Variants in KCNMB3 observed in about 807,000 individuals in gnomAD.
KCNMB3 encodes the protein potassium calcium-activated channel subfamily M regulatory beta subunit 3.
A neutral mutation model predicts 11.9 loss-of-function variants in KCNMB3; 18 were observed. The ratio of observed to expected loss-of-function variants is 1.51; its 90% CI spans 1.04 to 2.23. KCNMB3 has a LOEUF of 2.23. Among genes scored for constraint, KCNMB3 ranks in the 30% most tolerant of loss-of-function variants. KCNMB3 has a pLI of 0.00. For synonymous variants in KCNMB3, 78 were observed against 119.2 expected (o/e 0.65, Z 2.25); for missense variants, 247 against 329.4 (o/e 0.75, Z 1.94).
chr3:179,253,972 G>A (rs1052937169), upstream of KCNMB3, among the ~76,000 whole-genome samples: 4 of 152,032 alleles, frequency 2.6e-5, no homozygotes, highest in African/African-American at 9.7e-5. Flanking sequence ...AAAAAGAATT[G>A]GAAATACTCA....
upstream of KCNMB3, among the ~76,000 whole-genome samples, chr3:179,252,696 CATGGAAAA>C (rs1725885188): frequency 6.7e-6 from 1 of 149,076 alleles, no homozygotes; most frequent in Non-Finnish European, 1.5e-5. Flanking sequence ...AGAGAAGGGG[CATGGAAAA>C]AAAATTTAAT....
Position 179,250,750 on chromosome 3 carries a change from TA to T in KCNMB3, c.240del (p.Phe80LeufsTer47). 1 of 1,614,196 alleles carries T rather than the reference TA, an allele frequency of 6.2e-7. No homozygotes were observed. The highest frequency in any genetic ancestry group is 1.1e-5 in the South Asian group (1 of 91,082). On this transcript the variant is annotated frameshift_variant, in exon 1 of 3. Coordinates refer to ENST00000392685, the MANE Select transcript of KCNMB3 (RefSeq NM_171830.2). LOFTEE classifies it high-confidence loss of function. Reference sequence around the variant, plus strand: ...CCTTCCTCTGTTTCTTACCTGAGCATAAAAGGCTTTAGAATGGTTGTTCCGA... The same window carrying T: ...CCTTCCTCTGTTTCTTACCTGAGCATAAAGGCTTTAGAATGGTTGTTCCGA... Reference protein sequence around the residue: ...FLLGTTILKPFMLSIQREEST... With the variant: ...FLLGTTILKPXMLSIQREEST...
intron 1 of KCNMB3, chr3:179,258,913 A>G (rs776122211): frequency 3.7e-6 from 6 of 1,610,154 alleles, no homozygotes; most frequent in Non-Finnish European, 5.1e-6. Flanking sequence ...ATTGGCATAC[A>G]GTGCATCTCT....
chr3:179,262,414 G>A (rs1726244166), intron 1 of KCNMB3, among the ~76,000 whole-genome samples: 1 of 152,174 alleles, frequency 6.6e-6, no homozygotes, highest in South Asian at 2.1e-4. Context: ...TGGGTTCGTG[G>A]TCTCCCTGGC....
intron 1 of KCNMB3, among the ~76,000 whole-genome samples, chr3:179,266,101 T>G (rs139275991): frequency 6.6e-6 from 1 of 152,342 alleles, no homozygotes; most frequent in East Asian, 1.9e-4. Flanking sequence ...ACTATCTGCA[T>G]TTCACAGATA....
At chr3:179,251,533 G>C (rs1202435028), upstream of KCNMB3, 2 of 1,349,374 alleles carry the variant, frequency 1.5e-6, no homozygotes, top group African/African-American at 2.9e-5. Flanking sequence ...TTCTGCATAA[G>C]TGTCCCTTCA....
chr3:179,240,954 T>C (rs1198867053), downstream of KCNMB3: 1 of 152,156 alleles, frequency 6.6e-6, no homozygotes, highest in Non-Finnish European at 1.5e-5. Context: ...TACAGAGAAG[T>C]CTTTGGTATA....
rs918261854 is a variant in KCNMB3, at chr3:179,261,175, G to A, written c.62+5474C>T. 1.3e-5 allele frequency: 17 copies of A among 1,337,826 alleles called. No homozygotes were observed. In the Admixed American group the frequency reaches 1.5e-4, roughly 12 times the overall value. The allele number at this position is 1,337,826 out of a possible 1,614,324, so 82.9% of individuals were successfully genotyped here. On this transcript the variant is annotated intron_variant, in intron 1 of 3. Transcript: ENST00000349697. ...TGGGGATCTCACGAGCCTCCGCGCG[G>A]GCCTCCCGTTTTGCGGCGAGCCGGG...
downstream of KCNMB3, chr3:179,240,953 G>GTCTT (rs776560485): frequency 7.2e-5 from 11 of 152,132 alleles, no homozygotes; most frequent in Non-Finnish European, 1.3e-4. Context: ...TTACAGAGAA[G>GTCTT]TCTTTGGTAT....
exon 1 of KCNMB3, chr3:179,266,959 C>T: frequency 7.8e-7 from 1 of 1,285,820 alleles, no homozygotes; most frequent in Non-Finnish European, 9.9e-7. Context: ...GAAGGACCTG[C>T]GTGGTTTGCT....
rs1726154308 is a variant in KCNMB3 at position 179,260,088 on chromosome 3, T to TGATAAACTGTGTCATCAC, written c.62+6543_62+6560dup. 3 of 1,608,278 alleles carry TGATAAACTGTGTCATCAC rather than the reference T, an allele frequency of 1.9e-6. No homozygotes were observed. In the South Asian group the frequency reaches 3.3e-5, roughly 18 times the overall value. ...GACCTCTACCATACATCTGTCATCA[T>TGATAAACTGTGTCATCAC]GATAAACTGTGTCATCACTATGCCC... On this transcript the variant is annotated intron_variant, in intron 1 of 3. Coordinates refer to the KCNMB3 transcript ENST00000349697.
chr3:179,259,760 T>C (rs1726143470), intron 1 of KCNMB3: 2 of 1,600,738 alleles, frequency 1.2e-6, no homozygotes, highest in African/African-American at 1.4e-5. Flanking sequence ...ATGAGTCCAA[T>C]GCCTCTCCCT....
chr3:179,256,227 G>C (rs531693857), upstream of KCNMB3, among the ~76,000 whole-genome samples: 313 of 152,340 alleles, frequency 2.1e-3, 4 homozygotes, highest in African/African-American at 7.2e-3. Flanking sequence ...CCTGACGTCA[G>C]GAGTTCCAGA....
At chr3:179,263,492 C>T (rs368124627) in intron 1 of KCNMB3, among the ~76,000 whole-genome samples, 7 of 152,080 alleles carry the variant, frequency 4.6e-5, no homozygotes, top group East Asian at 3.9e-4. Context: ...GCCGAGGAGG[C>T]GCGGAGAGCG....
intron 2 of KCNMB3, among the ~76,000 whole-genome samples, chr3:179,243,573 G>A (rs1725535394): frequency 6.6e-6 from 1 of 152,180 alleles, no homozygotes. Flanking sequence ...CCTACATGCA[G>A]GTTCTTGGAC....
downstream of KCNMB3, chr3:179,240,156 T>C (rs1238651743): frequency 2.4e-6 from 2 of 825,184 alleles, no homozygotes; most frequent in Non-Finnish European, 1.8e-6. Context: ...AATTCTCTTT[T>C]GCCATTCCTT....
At chr3:179,266,454 C>A (rs1436290767) in intron 1 of KCNMB3, among the ~76,000 whole-genome samples, 2 of 152,200 alleles carry the variant, frequency 1.3e-5, no homozygotes, top group Non-Finnish European at 2.9e-5. Flanking sequence ...GAGGATAGAG[C>A]CAACAGGAAA....
At chr3:179,261,346 G>A (rs1257840635) in intron 1 of KCNMB3, 4 of 1,163,678 alleles carry the variant, frequency 3.4e-6, no homozygotes, top group Non-Finnish European at 4.3e-6. Flanking sequence ...CCCGCGGGCC[G>A]GGCCAGGGGG....
At position 179,262,163 on chromosome 3, in the gene KCNMB3, C is replaced by A. The variant is rs1167929434; in HGVS notation, c.62+4486G>T. ...AGTAATTTAGATAGCTTGACCTGAA[C>A]AAACCAGTAGGGTAATAGATTTAAG... On this transcript the variant is annotated intron_variant, in intron 1 of 3. Coordinates refer to the KCNMB3 transcript ENST00000349697. Among the ~76,000 whole-genome samples the A allele has an allele frequency of 6.6e-5, 10 of 152,182 alleles. No individual in the cohort carries two copies. In the East Asian group the frequency reaches 1.7e-3, roughly 26 times the overall value.
Sources: allele counts gnomAD v4.1 joint callset (sites outside exome capture counted in the v4.1 genomes callset), GRCh38; gene constraint gnomAD v4.1.1; transcripts MANE v1.5; gene names NCBI Gene and HGNC (gene_info 2026-07-23, HGNC 2026-07-21).